CCDC89: variants seen among roughly 807,000 people sequenced by gnomAD.
CCDC89 encodes coiled-coil domain-containing protein 89.
In CCDC89, 28 loss-of-function variants were observed where a neutral mutation model predicts 29.3. That is an observed-to-expected ratio of 0.96 (90% CI 0.71 to 1.31). The LOEUF (loss-of-function observed/expected upper bound fraction) is 1.31. CCDC89 is among the 50% of genes most tolerant of loss of function. The pLI is 0.00. For missense variants in CCDC89, 484 were observed against 442.3 expected (o/e 1.09, Z -0.85); for synonymous variants, 191 against 179.7 (o/e 1.06, Z -0.51).
Position 85,685,048 on chromosome 11 carries a change from C to T in CCDC89, c.1083G>A (p.Lys361=). The T allele has an allele frequency of 1.9e-6, 3 of 1,614,118 alleles. No homozygotes were observed. The highest frequency in any genetic ancestry group is 2.5e-6 in the Non-Finnish European group (3 of 1,180,002). The change falls in exon 1 of 1, where the codon AAG becomes AAA. Residue 361 remains lysine, a synonymous_variant. Transcript: ENST00000316398. ...FKKHSLDLLS[K]ERELNGKLRH... is the part of the protein sequence containing the mutation. ...GGAGTTTGCCATTGAGTTCTCTCTC[C>T]TTGCTTAAAAGATCCAAGCTGTGCT...
Position 85,686,097 on chromosome 11 carries a change from G to A in CCDC89, c.34C>T (p.Pro12Ser), listed in dbSNP as rs1413318365. The A allele has an allele frequency of 8.1e-6, 13 of 1,613,976 alleles. No homozygotes were observed. Among genetic ancestry groups the A allele is most frequent in the Non-Finnish European group, 1.1e-5 (13 of 1,179,962 alleles). ...RAPMLQKQQAPRMDTPPPEER... is the reference protein window; with the variant it reads ...RAPMLQKQQASRMDTPPPEER... Reference sequence around the variant, plus strand: ...TCAGGGGGCGGGGTGTCCATCCTGGGAGCCTGCTGTTTCTGGAGCATAGGC... The same window carrying A: ...TCAGGGGGCGGGGTGTCCATCCTGGAAGCCTGCTGTTTCTGGAGCATAGGC... Residue 12 changes from proline to serine, a missense_variant, in exon 1 of 1, where the codon CCC becomes TCC. Pro to Ser is a moderately conservative substitution (Grantham distance 74). Transcript: ENST00000316398.
Position 85,685,158 on chromosome 11 carries a change from A to G in CCDC89, c.973T>C (p.Leu325=). The part of the protein sequence containing the change: ...EQEAVAVDSN[L]RVRELQRKVD... Reference sequence around the variant, plus strand: ...TTGCGCTGAAGCTCCCTGACTCTCAAGTTGCTGTCCACAGCCACTGCCTCT... The same window carrying G: ...TTGCGCTGAAGCTCCCTGACTCTCAGGTTGCTGTCCACAGCCACTGCCTCT... Residue 325 remains leucine (L), a synonymous_variant, in exon 1 of 1, where the codon TTG becomes CTG. Transcript: ENST00000316398. 6.2e-7 allele frequency: 1 copy of G among 1,614,194 alleles called. No individual in the cohort carries two copies. The highest frequency in any genetic ancestry group is 8.5e-7 in the Non-Finnish European group (1 of 1,180,042).
rs373044529 is a variant in CCDC89 at position 85,685,918 on chromosome 11, T to C, written c.213A>G (p.Glu71=). 45 of 1,614,046 alleles carry C rather than the reference T, an allele frequency of 2.8e-5. No homozygotes were observed. Among genetic ancestry groups the C allele is most frequent in the Non-Finnish European group, 3.6e-5 (42 of 1,180,026 alleles). Residue 71 remains glutamate, a synonymous_variant, in exon 1 of 1, where the codon GAA becomes GAG. Coordinates refer to ENST00000316398, the MANE Select transcript of CCDC89 (RefSeq NM_152723.3). ...SEKAMLRSRI[E]EQSQLICILK... ...GGATGCAGATGAGCTGGGACTGCTC[T>C]TCAATGCGGGAGCGAAGCATAGCCT...
At position 85,686,123 on chromosome 11, in the gene CCDC89, G is replaced by T. The variant is rs757421952; in HGVS notation, c.8C>A (p.Ala3Glu). The change falls in exon 1 of 1, where the codon GCG (alanine) becomes GAG (glutamate). Residue 3 changes from alanine (A) to glutamate (E), a missense_variant. Transcript: ENST00000316398. ...AGCCTGCTGTTTCTGGAGCATAGGC[G>T]CTCTCATCCACTAAGGGCTGACTAC... is the stretch of plus-strand genomic sequence containing the variant. MRAPMLQKQQAPR... is the reference protein window; with the variant it reads MREPMLQKQQAPR... The T allele has an allele frequency of 3.1e-6, 5 of 1,612,342 alleles. No individual in the cohort carries two copies. The Admixed American group carries it at 8.4e-5, about 27-fold the overall frequency.
rs1162634600 is a variant in CCDC89, at chr11:85,684,141, CG to C, written c.*864del. On this transcript the variant is annotated 3_prime_UTR_variant, in exon 1 of 1. Transcript: ENST00000316398. ...AAAATGCTGCAAGCATACATACACA[CG>C]TTCAGCTTAGATTTTTTTAAAAAAG... Among the ~76,000 whole-genome samples, 2 of 152,000 alleles carry C rather than the reference CG, an allele frequency of 1.3e-5. No homozygotes were observed. The highest frequency in any genetic ancestry group is 6.5e-5 in the Admixed American group (1 of 15,268).
Position 85,685,567 on chromosome 11 carries a change from C to T in CCDC89, c.564G>A (p.Gly188=). 1.9e-6 allele frequency: 3 copies of T among 1,614,170 alleles called. No homozygotes were observed. The change falls in exon 1 of 1, where the codon GGG becomes GGA. Residue 188 remains glycine (G), a synonymous_variant. Coordinates refer to ENST00000316398, the MANE Select transcript of CCDC89 (RefSeq NM_152723.3). ...QLTVRCEALT[G]ELETLKERCA... The stretch of plus-strand genomic sequence containing the variant: ...ACCTCTCCTTCAGCGTTTCTAGCTC[C>T]CCAGTGAGGGCCTCACACCGGACTG...
rs2083011356 is a variant in CCDC89, at chr11:85,685,577, GC to G, written c.553del (p.Ala185ProfsTer6). On this transcript the variant is annotated frameshift_variant, in exon 1 of 1. Coordinates refer to ENST00000316398, the MANE Select transcript of CCDC89 (RefSeq NM_152723.3). LOFTEE classifies it high-confidence loss of function. Reference sequence around the variant, plus strand: ...CAGCGTTTCTAGCTCCCCAGTGAGGGCCTCACACCGGACTGTGAGCTGTAAT... The same window carrying G: ...CAGCGTTTCTAGCTCCCCAGTGAGGGCTCACACCGGACTGTGAGCTGTAAT... ...KVLQLTVRCE[A>X]LTGELETLKE... is the part of the protein sequence containing the mutation. The G allele has an allele frequency of 6.2e-7, 1 of 1,614,176 alleles. No homozygotes were observed. The highest frequency in any genetic ancestry group is 1.3e-5 in the African/African-American group (1 of 75,038).
Position 85,685,939 on chromosome 11 carries a change from A to T in CCDC89, c.192T>A (p.Ala64=), listed in dbSNP as rs370964889. Reference sequence around the variant, plus strand: ...GCTCTTCAATGCGGGAGCGAAGCATAGCCTTCTCGCTCCTCTCCTCCTCTG... The same window carrying T: ...GCTCTTCAATGCGGGAGCGAAGCATTGCCTTCTCGCTCCTCTCCTCCTCTG... ...GLSEEERSEK[A]MLRSRIEEQS... is the part of the protein sequence containing the mutation. The change falls in exon 1 of 1, where the codon GCT becomes GCA. Residue 64 remains alanine (A), a synonymous_variant. Transcript: ENST00000316398. The T allele has an allele frequency of 2.5e-6, 4 of 1,614,142 alleles. No homozygotes were observed. The highest frequency in any genetic ancestry group is 3.4e-6 in the Non-Finnish European group (4 of 1,180,002).
chr11:85,685,199 A>G lies in CCDC89; in HGVS notation c.932T>C (p.Leu311Pro), dbSNP rs778072715. The change falls in exon 1 of 1, where the codon CTG becomes CCG. Residue 311 changes from leucine to proline, a missense_variant. Coordinates refer to ENST00000316398, the MANE Select transcript of CCDC89 (RefSeq NM_152723.3). ...CACTGCCTCTTGCTCAAACCGCTCC[A>G]GCGCATGCTTCCTGTCTTCATTTGC... is the stretch of plus-strand genomic sequence containing the variant. ...EIANEDRKHA[L>P]ERFEQEAVAV... 46 of 1,614,116 alleles carry G rather than the reference A, an allele frequency of 2.8e-5. No homozygotes were observed. The highest frequency in any genetic ancestry group is 6.7e-5 in the East Asian group (3 of 44,874).
Position 85,685,767 on chromosome 11 carries a change from G to A in CCDC89, c.364C>T (p.Leu122=), listed in dbSNP as rs750586819. The A allele has an allele frequency of 2.5e-6, 4 of 1,614,124 alleles. No homozygotes were observed. In the South Asian group the frequency reaches 3.3e-5, roughly 13 times the overall value. The part of the protein sequence containing the change: ...LKAQGEYSRK[L]EERFMTLAAN... ...GCTAGGGTCATAAAGCGTTCCTCTA[G>A]TTTCCGACTGTACTCACCCTGGGCC... Residue 122 remains leucine (L), a synonymous_variant, in exon 1 of 1, where the codon CTA becomes TTA. Transcript: ENST00000316398.
rs745325510 is a variant in CCDC89 at position 85,685,004 on chromosome 11, C to T, written c.*2G>A. On this transcript the variant is annotated 3_prime_UTR_variant, in exon 1 of 1. Transcript: ENST00000316398. ...TGCAGGCCAGAGGAAGCAGAAACTTCCCTATGGAGAGAGATGGCGGAGTTT... is the reference window on the plus strand; with the variant it reads ...TGCAGGCCAGAGGAAGCAGAAACTTTCCTATGGAGAGAGATGGCGGAGTTT... The T allele has an allele frequency of 5.0e-6, 8 of 1,605,542 alleles. No homozygotes were observed. The highest frequency in any genetic ancestry group is 6.0e-6 in the Non-Finnish European group (7 of 1,175,914).
In CCDC89 at chr11:85,686,182, G is replaced by T; in HGVS notation, c.-52C>A. ...CCCCTCAGATTTCAAACGCTGCAGG[G>T]TGTTGCTAGGGACTCTTGGCACTCC... On this transcript the variant is annotated 5_prime_UTR_variant, in exon 1 of 1. Coordinates refer to ENST00000316398, the MANE Select transcript of CCDC89 (RefSeq NM_152723.3). The T allele has an allele frequency of 1.9e-6, 3 of 1,552,530 alleles. No homozygotes were observed. The highest frequency in any genetic ancestry group is 1.3e-5 in the South Asian group (1 of 79,590).
rs758135704 is a variant in CCDC89, at chr11:85,685,806, C to T, written c.325G>A (p.Ala109Thr). 1.2e-6 allele frequency: 2 copies of T among 1,614,180 alleles called. No homozygotes were observed. The highest frequency in any genetic ancestry group is 8.5e-7 in the Non-Finnish European group (1 of 1,180,032). ...TCACCCTGGGCCTTGAGCTTCTCAG[C>T]CTCCTGCATCATCTTCTCCTCCAGC... ...AELEEKMMQE[A>T]EKLKAQGEYS... The change falls in exon 1 of 1, where the codon GCT becomes ACT. Residue 109 changes from alanine to threonine, a missense_variant. Coordinates refer to ENST00000316398, the MANE Select transcript of CCDC89 (RefSeq NM_152723.3).
chr11:85,685,758 G>T lies in CCDC89; in HGVS notation c.373C>A (p.Arg125Ser). ...TGGTTGGCTGCTAGGGTCATAAAGC[G>T]TTCCTCTAGTTTCCGACTGTACTCA... The part of the protein sequence containing the change: ...QGEYSRKLEE[R>S]FMTLAANHEL... Residue 125 changes from arginine (R) to serine (S), a missense_variant, in exon 1 of 1, where the codon CGC (arginine) becomes AGC (serine). Physicochemically the swap from Arg to Ser is moderately radical, Grantham distance 110. Coordinates refer to ENST00000316398, the MANE Select transcript of CCDC89 (RefSeq NM_152723.3). 2.5e-6 allele frequency: 4 copies of T among 1,614,100 alleles called. No individual in the cohort carries two copies. The highest frequency in any genetic ancestry group is 1.3e-5 in the African/African-American group (1 of 75,012).
Position 85,685,109 on chromosome 11 carries a change from T to C in CCDC89, c.1022A>G (p.Tyr341Cys), listed in dbSNP as rs1411757015. The change falls in exon 1 of 1, where the codon TAC (tyrosine) becomes TGC (cysteine). Residue 341 changes from tyrosine (Y) to cysteine (C), a missense_variant. Tyr to Cys is a radical substitution (Grantham distance 194). Transcript: ENST00000316398. ...QRKVDGIQKAYDELRLQSEAF... is the reference protein window; with the variant it reads ...QRKVDGIQKACDELRLQSEAF... ...TTCAGACTGCAGCCTGAGTTCATCG[T>C]AGGCCTTCTGGATCCCATCTACTTT... 1.2e-6 allele frequency: 2 copies of C among 1,614,124 alleles called. No homozygotes were observed. Among genetic ancestry groups the C allele is most frequent in the Non-Finnish European group, 1.7e-6 (2 of 1,180,050 alleles).
rs369464313 is a variant in CCDC89 at position 85,686,139 on chromosome 11, G to A, written c.-9C>T. On this transcript the variant is annotated 5_prime_UTR_variant, in exon 1 of 1. Transcript: ENST00000316398. The stretch of plus-strand genomic sequence containing the variant: ...AGCATAGGCGCTCTCATCCACTAAG[G>A]GCTGACTACAGTCTTTTCCCCTCAG... 2 of 1,607,182 alleles carry A rather than the reference G, an allele frequency of 1.2e-6. No individual in the cohort carries two copies. Among genetic ancestry groups the A allele is most frequent in the Non-Finnish European group, 1.7e-6 (2 of 1,177,094 alleles).
Position 85,686,164 on chromosome 11 carries a change from G to C in CCDC89, c.-34C>G. 1 of 1,580,364 alleles carries C rather than the reference G, an allele frequency of 6.3e-7. No homozygotes were observed. Among genetic ancestry groups the C allele is most frequent in the Non-Finnish European group, 8.6e-7 (1 of 1,165,642 alleles). On this transcript the variant is annotated 5_prime_UTR_variant, in exon 1 of 1. It adds an upstream start codon to the 5' untranslated region. Coordinates refer to ENST00000316398, the MANE Select transcript of CCDC89 (RefSeq NM_152723.3). ...GGCTGACTACAGTCTTTTCCCCTCA[G>C]ATTTCAAACGCTGCAGGGTGTTGCT...
rs781009623 is a variant in CCDC89, at chr11:85,685,534, C to T, written c.597G>A (p.Gln199=). 9 of 1,614,010 alleles carry T rather than the reference C, an allele frequency of 5.6e-6. No homozygotes were observed. Among genetic ancestry groups the T allele is most frequent in the African/African-American group, 1.3e-5 (1 of 74,940 alleles). The change falls in exon 1 of 1, where the codon CAG becomes CAA. Residue 199 remains glutamine, a synonymous_variant. Transcript: ENST00000316398. The part of the protein sequence containing the change: ...ELETLKERCA[Q]DACQAQAREK... ...CGCGCGCCTGTGCCTGGCAGGCATC[C>T]TGAGCACACCTCTCCTTCAGCGTTT...
At position 85,685,292 on chromosome 11, in the gene CCDC89, A is replaced by G. The variant is rs1389121286; in HGVS notation, c.839T>C (p.Ile280Thr). The G allele has an allele frequency of 1.2e-6, 2 of 1,608,808 alleles. No individual in the cohort carries two copies. The highest frequency in any genetic ancestry group is 1.3e-5 in the African/African-American group (1 of 74,928). The stretch of plus-strand genomic sequence containing the variant: ...GTTCTGAAGCACTTTGCCCCTTTCA[A>G]TGGACAGCTGCAGCAACTCCTCTTT... ...REKEELLQLS[I>T]ERGKVLQNKQ... Residue 280 changes from isoleucine to threonine, a missense_variant, in exon 1 of 1, where the codon ATT becomes ACT. By Grantham distance (89) the Ile-to-Thr change is moderately conservative (BLOSUM62 -1). Coordinates refer to ENST00000316398, the MANE Select transcript of CCDC89 (RefSeq NM_152723.3).
Sources: allele counts gnomAD v4.1 joint callset (sites outside exome capture counted in the v4.1 genomes callset), GRCh38; gene constraint gnomAD v4.1.1; transcripts MANE v1.5; gene names NCBI Gene and HGNC (gene_info 2026-07-23, HGNC 2026-07-21).